Variants in ARSB observed in about 807,000 individuals in gnomAD.
The protein encoded by ARSB is N-acetylgalactosamine-4-sulfatase.
A neutral mutation model predicts 50.9 loss-of-function variants in ARSB; 41 were observed. The observed-to-expected ratio is 0.81, with a 90% confidence interval of 0.63 to 1.04. The LOEUF (loss-of-function observed/expected upper bound fraction) is 1.04, where lower values mean the gene tolerates loss of function less well. ARSB is among the 50% of genes least tolerant of loss of function. The pLI is 0.00. For missense variants in ARSB, 672 were observed against 693.3 expected (o/e 0.97, Z 0.35); for synonymous variants, 269 against 284.8 (o/e 0.94, Z 0.56).
intron 4 of ARSB, among the ~76,000 whole-genome samples, chr5:78,899,355 T>C (rs560207508): frequency 1.2e-4 from 18 of 152,220 alleles, no homozygotes; most frequent in Admixed American, 2.6e-4. Context: ...TTTCTCTTTC[T>C]CAAGTTTTGG....
intron 6 of ARSB, among the ~76,000 whole-genome samples, chr5:78,786,414 T>C (rs994868999): frequency 6.6e-6 from 1 of 152,224 alleles, no homozygotes; most frequent in Non-Finnish European, 1.5e-5. Flanking sequence ...CATCAATTAA[T>C]GGACACTTCT....
At chr5:78,877,554 A>T (rs1259292242) in intron 5 of ARSB, among the ~76,000 whole-genome samples, 1 of 151,996 alleles carries the variant, frequency 6.6e-6, no homozygotes, top group African/African-American at 2.4e-5. Flanking sequence ...ATGCTCAGCT[A>T]ATTTTTATAT....
At chr5:78,964,294 A>G in intron 3 of ARSB, 122 bp downstream of exon 3, 9 of 1,007,978 alleles carry the variant, frequency 8.9e-6, no homozygotes, top group Non-Finnish European at 1.3e-5. Context: ...GTATAATTTG[A>G]AAAGGACTTC....
chr5:78,816,836 A>T (rs1007009204), intron 6 of ARSB, among the ~76,000 whole-genome samples: 1 of 152,296 alleles, frequency 6.6e-6, no homozygotes, highest in South Asian at 2.1e-4. Context: ...CAGCAACTGA[A>T]TTCTGCCAAC....
chr5:78,984,811 C>T (rs896097474), intron 1 of ARSB, 126 bp downstream of exon 1: 55 of 717,906 alleles, frequency 7.7e-5, no homozygotes, highest in Non-Finnish European at 9.7e-5. Flanking sequence ...CCGCCGGGAC[C>T]CATAACTGGG....
chr5:78,940,922 A>G (rs1192953260), intron 4 of ARSB, among the ~76,000 whole-genome samples: 5 of 152,108 alleles, frequency 3.3e-5, no homozygotes. Flanking sequence ...ATGAGCATGG[A>G]ATGTTCTTCC....
At chr5:78,928,787 A>G (rs1404178639) in intron 4 of ARSB, among the ~76,000 whole-genome samples, 1 of 152,232 alleles carries the variant, frequency 6.6e-6, no homozygotes, top group Non-Finnish European at 1.5e-5. Context: ...TTAATATAAC[A>G]ATGTTTTAAA....
intron 6 of ARSB, among the ~76,000 whole-genome samples, chr5:78,834,607 G>GTGTATATATATATATATA (rs1185355030): frequency 4.7e-5 from 4 of 85,644 alleles, no homozygotes; most frequent in Non-Finnish European, 7.0e-5. Flanking sequence ...ATATATATGT[G>GTGTATATATATATATATA]TATATATATA....
At chr5:78,946,204 T>C (rs1751222302) in intron 4 of ARSB, among the ~76,000 whole-genome samples, 1 of 152,140 alleles carries the variant, frequency 6.6e-6, no homozygotes, top group Admixed American at 6.5e-5. Flanking sequence ...AGAAGTGTCA[T>C]CCTTGGATTT....
At chr5:78,819,399 G>A (rs1235307269) in intron 6 of ARSB, among the ~76,000 whole-genome samples, 2 of 152,244 alleles carry the variant, frequency 1.3e-5, no homozygotes, top group Non-Finnish European at 2.9e-5. Context: ...CAAAAAGACT[G>A]TGGGTGGGAA....
chr5:78,792,391 A>G (rs1193649591), intron 6 of ARSB, among the ~76,000 whole-genome samples: 1 of 152,052 alleles, frequency 6.6e-6, no homozygotes, highest in East Asian at 1.9e-4. Flanking sequence ...AAAAAAAAAA[A>G]AAAAGTTACG....
chr5:78,883,749 G>C (rs941638343), intron 5 of ARSB: 2 of 152,186 alleles, frequency 1.3e-5, no homozygotes, highest in African/African-American at 4.8e-5. Context: ...TCCACGTTGT[G>C]AGAGGTTGAG....
intron 6 of ARSB, among the ~76,000 whole-genome samples, chr5:78,838,257 G>A (rs1745034370): frequency 6.6e-6 from 1 of 152,166 alleles, no homozygotes; most frequent in Admixed American, 6.5e-5. Flanking sequence ...ATGGGGCTGG[G>A]TTTTTAAGGG....
chr5:78,929,515 G>A (rs867989695), intron 4 of ARSB, among the ~76,000 whole-genome samples: 6 of 152,220 alleles, frequency 3.9e-5, no homozygotes, highest in Middle Eastern at 3.4e-3. Flanking sequence ...GACTGGCCCG[G>A]CGCAGTGGCT....
chr5:78,824,204 A>C (rs1744344060), intron 6 of ARSB, among the ~76,000 whole-genome samples: 1 of 152,230 alleles, frequency 6.6e-6, no homozygotes, highest in South Asian at 2.1e-4. Context: ...GAGCGAAATA[A>C]ACCTCTTTTA....
intron 4 of ARSB, among the ~76,000 whole-genome samples, chr5:78,940,856 T>C (rs944905130): frequency 2.0e-5 from 3 of 152,212 alleles, no homozygotes; most frequent in African/African-American, 4.8e-5. Context: ...TGGCATTGAA[T>C]CTATAAATTA....
At chr5:78,856,719 C>G (rs879164678) in intron 5 of ARSB, among the ~76,000 whole-genome samples, 4 of 152,158 alleles carry the variant, frequency 2.6e-5, no homozygotes, top group Admixed American at 6.5e-5. Context: ...CTATGTCTCT[C>G]TCTACACACA....
chr5:78,967,001 AC>A (rs1226771454), intron 2 of ARSB, among the ~76,000 whole-genome samples: 1 of 151,198 alleles, frequency 6.6e-6, no homozygotes, highest in Non-Finnish European at 1.5e-5. Flanking sequence ...GGGCACACAC[AC>A]CCTCCTGTCT....
intron 4 of ARSB, among the ~76,000 whole-genome samples, chr5:78,897,944 C>G (rs529435345): frequency 1.0e-3 from 159 of 151,962 alleles, no homozygotes; most frequent in African/African-American, 3.7e-3. Context: ...TGCCCTATAC[C>G]CATTAAAGAC....
Sources: gnomAD v4.1 joint callset for allele counts (sites outside exome capture counted in the v4.1 genomes callset) on GRCh38, gnomAD v4.1.1 for gene constraint, MANE v1.5 for transcripts, NCBI Gene and HGNC (gene_info 2026-07-23, HGNC 2026-07-21) for gene names.